Variants in ADAMTS3 observed in about 807,000 individuals in gnomAD.
ADAMTS3 encodes ADAM metallopeptidase with thrombospondin type 1 motif 3.
In ADAMTS3, 73 loss-of-function variants were observed where a neutral mutation model predicts 129.0. The ratio of observed to expected loss-of-function variants is 0.57; its 90% CI spans 0.47 to 0.69. The LOEUF is 0.69. Among genes scored for constraint, ADAMTS3 ranks in the 30% least tolerant of loss-of-function variants. The pLI is 0.00. For missense variants in ADAMTS3, 1,457 were observed against 1,514.5 expected (o/e 0.96, Z 0.63); for synonymous variants, 477 against 510.8 (o/e 0.93, Z 0.89).
chr4:72,470,177 T>C (rs1408928093), intron 3 of ADAMTS3, among the ~76,000 whole-genome samples: 1 of 152,016 alleles, frequency 6.6e-6, no homozygotes, highest in African/African-American at 2.4e-5. Context: ...CTGGCTGTCC[T>C]GTGGGTTTCA....
chr4:72,543,629 C>G (rs1195246843), intron 3 of ADAMTS3, among the ~76,000 whole-genome samples: 2 of 152,020 alleles, frequency 1.3e-5, no homozygotes, highest in Non-Finnish European at 2.9e-5. Context: ...ATGAAAAATA[C>G]TATATGATTC....
intron 2 of ADAMTS3, 80 bp downstream of exon 2, chr4:72,567,294 A>G: frequency 7.2e-7 from 1 of 1,387,106 alleles, no homozygotes; most frequent in Non-Finnish European, 1.0e-6. Context: ...GAAACATTTC[A>G]GAAACAATAT....
At chr4:72,327,950 A>G (rs1337427000) in intron 5 of ADAMTS3, among the ~76,000 whole-genome samples, 1 of 152,222 alleles carries the variant, frequency 6.6e-6, no homozygotes, top group Admixed American at 6.5e-5. Flanking sequence ...AATAAAGAGG[A>G]GCTAGAGAAG....
chr4:72,343,619 C>A (rs1720196494), intron 4 of ADAMTS3, among the ~76,000 whole-genome samples: 1 of 152,150 alleles, frequency 6.6e-6, no homozygotes. Flanking sequence ...AATAACTCCA[C>A]TTGCCATGTG....
At chr4:72,481,922 A>T (rs1231852425) in intron 3 of ADAMTS3, among the ~76,000 whole-genome samples, 1 of 152,116 alleles carries the variant, frequency 6.6e-6, no homozygotes, top group Non-Finnish European at 1.5e-5. Context: ...AAGATAATTA[A>T]CCATTATGAA....
In ADAMTS3 at chr4:72,468,142, A is replaced by T. The variant is rs567134654; in HGVS notation, c.505-53171T>A. On this transcript the variant is annotated intron_variant, in intron 3 of 21. Coordinates refer to ENST00000286657, the MANE Select transcript of ADAMTS3 (RefSeq NM_014243.3). ...AGCTCAAGAACATTCTTCATTGTAT[A>T]TCTAAAAATAGTGAAATGAAAAACT... 9.2e-5 allele frequency among the ~76,000 whole-genome samples: 14 copies of T among 152,230 alleles called. No homozygotes were observed. The South Asian group carries it at 2.9e-3, about 32-fold the overall frequency.
At chr4:72,321,151 T>A (rs112698763) in intron 6 of ADAMTS3, among the ~76,000 whole-genome samples, 1 of 152,124 alleles carries the variant, frequency 6.6e-6, no homozygotes, top group African/African-American at 2.4e-5. Flanking sequence ...TGTGGGAAAG[T>A]CAAATTATAC....
At chr4:72,488,222 A>G (rs1180279779) in intron 3 of ADAMTS3, among the ~76,000 whole-genome samples, 1 of 151,992 alleles carries the variant, frequency 6.6e-6, no homozygotes, top group Non-Finnish European at 1.5e-5. Flanking sequence ...TATTTAATAT[A>G]CAGGAGCTGC....
At chr4:72,450,697 A>T (rs1208886742) in intron 3 of ADAMTS3, among the ~76,000 whole-genome samples, 2 of 151,454 alleles carry the variant, frequency 1.3e-5, no homozygotes, top group African/African-American at 4.8e-5. Flanking sequence ...AAAAGTGTAG[A>T]CTCCATGAAG....
Position 72,530,666 on chromosome 4 carries a change from T to C in ADAMTS3, c.504+17812A>G, listed in dbSNP as rs868351045. Among the ~76,000 whole-genome samples, 225 of 73,392 alleles carry C rather than the reference T, an allele frequency of 3.1e-3. 2 individuals carry two copies. Among genetic ancestry groups the C allele is most frequent in the South Asian group, 4.9e-3 (13 of 2,676 alleles). The allele number at this position is 73,392 out of a possible 152,430, so 48.1% of individuals were successfully genotyped here. A position where few individuals can be genotyped will look rare whatever the true frequency, so the allele number is the denominator to read the frequency against. ...TATATATAATATTATATATATTATATAATATATAATATGTATAATATATAT... is the reference window on the plus strand; with the variant it reads ...TATATATAATATTATATATATTATACAATATATAATATGTATAATATATAT... On this transcript the variant is annotated intron_variant, in intron 3 of 21. Coordinates refer to ENST00000286657, the MANE Select transcript of ADAMTS3 (RefSeq NM_014243.3).
chr4:72,300,873 A>G (rs1718931830), intron 17 of ADAMTS3, among the ~76,000 whole-genome samples: 1 of 152,162 alleles, frequency 6.6e-6, no homozygotes, highest in Non-Finnish European at 1.5e-5. Flanking sequence ...GAGGCCTTTC[A>G]GCACCATGTG....
chr4:72,392,915 A>ATTTTTTTTTTTTTTTTTTTTTTT (rs36046621), intron 4 of ADAMTS3, among the ~76,000 whole-genome samples: 3 of 139,852 alleles, frequency 2.1e-5, no homozygotes, highest in Non-Finnish European at 1.6e-5. Flanking sequence ...TACCCATCGG[A>ATTTTTTTTTTTTTTTTTTTTTTT]TTTTTTTTTT....
At chr4:72,442,614 A>G (rs1718148109) in intron 3 of ADAMTS3, among the ~76,000 whole-genome samples, 1 of 151,764 alleles carries the variant, frequency 6.6e-6, no homozygotes, top group South Asian at 2.1e-4. Flanking sequence ...CAACTCCATC[A>G]CTGGCAATCA....
At chr4:72,292,586 C>T (rs1384808281) in intron 19 of ADAMTS3, among the ~76,000 whole-genome samples, 1 of 152,158 alleles carries the variant, frequency 6.6e-6, no homozygotes, top group Non-Finnish European at 1.5e-5. Context: ...AAGCACTCTC[C>T]AAATCAGCTG....
chr4:72,311,235 C>T (rs1719226981), intron 13 of ADAMTS3, 54 bp from the exon 14 acceptor site: 1 of 1,486,800 alleles, frequency 6.7e-7, no homozygotes, highest in Admixed American at 1.9e-5. Flanking sequence ...AATGTTTGAA[C>T]AGCATAGTTT....
intron 3 of ADAMTS3, among the ~76,000 whole-genome samples, chr4:72,486,833 C>A (rs1019836893): frequency 6.6e-6 from 1 of 152,246 alleles, no homozygotes; most frequent in East Asian, 1.9e-4. Flanking sequence ...TGATGCTTTT[C>A]ACTCATCTGC....
chr4:72,323,761 T>C (rs1369923953), intron 5 of ADAMTS3, among the ~76,000 whole-genome samples: 5 of 152,200 alleles, frequency 3.3e-5, no homozygotes, highest in African/African-American at 1.2e-4. Context: ...GCTTTTTATT[T>C]AATTTTAAAA....
intron 3 of ADAMTS3, among the ~76,000 whole-genome samples, chr4:72,465,412 C>T (rs1314608036): frequency 6.6e-6 from 1 of 151,910 alleles, no homozygotes; most frequent in Non-Finnish European, 1.5e-5. Context: ...TCATGTAAGG[C>T]CTTGCAGATG....
chr4:72,451,502 C>G (rs1199104935), intron 3 of ADAMTS3, among the ~76,000 whole-genome samples: 2 of 151,766 alleles, frequency 1.3e-5, no homozygotes, highest in Admixed American at 6.6e-5. Context: ...GAAAAGCTAG[C>G]CCTGGCCCAG....
Sources: allele counts gnomAD v4.1 joint callset (sites outside exome capture counted in the v4.1 genomes callset), GRCh38; gene constraint gnomAD v4.1.1; transcripts MANE v1.5; gene names NCBI Gene and HGNC (gene_info 2026-07-23, HGNC 2026-07-21).